SYT1: variants seen among roughly 807,000 people sequenced by gnomAD.
SYT1 encodes the protein synaptotagmin-1.
Under a neutral mutation model 44.8 loss-of-function variants are expected in SYT1, and 8 were observed. The observed-to-expected ratio is 0.18, with a 90% confidence interval of 0.10 to 0.32. SYT1 has a LOEUF of 0.32. SYT1 is among the 10% of genes least tolerant of loss of function. SYT1 has a pLI of 1.00. For synonymous variants in SYT1, 154 were observed against 188.8 expected, an observed-to-expected ratio of 0.82 and a Z score of 1.51; for missense variants, 286 against 509.3, an observed-to-expected ratio of 0.56 and a Z score of 4.22.
chr12:78,941,911 A>C (rs1878397211), intron 1 of SYT1, among the ~76,000 whole-genome samples: 1 of 152,210 alleles, frequency 6.6e-6, no homozygotes, highest in Non-Finnish European at 1.5e-5. Flanking sequence ...TTCCATTGCC[A>C]TTCAAGGACC....
At chr12:78,900,206 A>C (rs192445005) in intron 1 of SYT1, among the ~76,000 whole-genome samples, 384 of 152,200 alleles carry the variant, frequency 2.5e-3, no homozygotes, top group Non-Finnish European at 4.5e-3. Context: ...ATGTTTATTT[A>C]CTTATTATTT....
At position 78,899,878 on chromosome 12, in the gene SYT1, G is replaced by T. The variant is rs1875567366; in HGVS notation, c.-217+34769G>T. Among the ~76,000 whole-genome samples the T allele has an allele frequency of 2.0e-5, 3 of 152,072 alleles. No individual in the cohort carries two copies. The South Asian group carries it at 6.2e-4, about 32-fold the overall frequency. On this transcript the variant is annotated intron_variant, in intron 1 of 10. Transcript: ENST00000261205. ...AACACAAAATATTTTCCAAGATGAA[G>T]TTCTTTGAAGCAAAGTCATTAATTT...
chr12:79,050,709 G>C (rs989335151), intron 3 of SYT1, among the ~76,000 whole-genome samples: 17 of 152,056 alleles, frequency 1.1e-4, no homozygotes, highest in Non-Finnish European at 2.5e-4. Flanking sequence ...TTTTTAGTAA[G>C]AGTGATTCTA....
chr12:79,353,685 G>A (rs1047931059), intron 9 of SYT1, 66 bp downstream of exon 9: 14 of 1,148,048 alleles, frequency 1.2e-5, no homozygotes, highest in African/African-American at 7.6e-5. Context: ...AATGCATGGC[G>A]CACATGCTGC....
chr12:79,125,430 G>A (rs1038229759), intron 3 of SYT1, among the ~76,000 whole-genome samples: 1 of 144,702 alleles, frequency 6.9e-6, no homozygotes, highest in Non-Finnish European at 1.5e-5. Flanking sequence ...GGGAAACATA[G>A]TGCGACCCTC....
chr12:78,937,434 A>T (rs1878122775), intron 1 of SYT1, among the ~76,000 whole-genome samples: 1 of 152,194 alleles, frequency 6.6e-6, no homozygotes, highest in African/African-American at 2.4e-5. Context: ...AATGTATCTT[A>T]AATCAGTGAG....
chr12:78,931,235 GAAA>G lies in SYT1; in HGVS notation c.-216-46563_-216-46561del, dbSNP rs61181211. On this transcript the variant is annotated intron_variant, in intron 1 of 10. Transcript: ENST00000261205. ...AGAAAGAAAGAAAGAAAGAAAGAAA[GAAA>G]GAAGGAAGGAAGGAAGGAAGGAAGG... Among the ~76,000 whole-genome samples, 479 of 57,808 alleles carry G rather than the reference GAAA, an allele frequency of 8.3e-3. 20 individuals carry two copies. The highest frequency in any genetic ancestry group is 0.032 in the African/African-American group (308 of 9,690). The allele number at this position is 57,808 out of a possible 152,430, so 37.9% of individuals were successfully genotyped here. A position where few individuals can be genotyped will look rare whatever the true frequency, so the allele number is the denominator to read the frequency against.
chr12:79,337,261 G>A lies in SYT1; in HGVS notation c.811-16241G>A, dbSNP rs373038422. Reference sequence around the variant, plus strand: ...TTAGTGGCAGAACTCAGGTCTGCTGGGCATTCCCCACAGCTCCTCTTTTAT... The same window carrying A: ...TTAGTGGCAGAACTCAGGTCTGCTGAGCATTCCCCACAGCTCCTCTTTTAT... On this transcript the variant is annotated intron_variant, in intron 8 of 10. Coordinates refer to ENST00000261205, the MANE Select transcript of SYT1 (RefSeq NM_005639.3). 4.6e-5 allele frequency among the ~76,000 whole-genome samples: 7 copies of A among 152,272 alleles called. 1 individual carries two copies. Among genetic ancestry groups the A allele is most frequent in the Admixed American group, 3.3e-4 (5 of 15,292 alleles).
Position 79,255,997 on chromosome 12 carries a change from A to C in SYT1, c.167-29790A>C, listed in dbSNP as rs533785006. Among the ~76,000 whole-genome samples the C allele has an allele frequency of 3.9e-5, 6 of 152,366 alleles. No individual in the cohort carries two copies. In the South Asian group the frequency reaches 1.2e-3, roughly 32 times the overall value. On this transcript the variant is annotated intron_variant, in intron 4 of 10. Coordinates refer to ENST00000261205, the MANE Select transcript of SYT1 (RefSeq NM_005639.3). Reference sequence around the variant, plus strand: ...CCAAGATTATGATTATCCCAATTTTAAACAGTGCTTGAATTAAAATATATC... The same window carrying C: ...CCAAGATTATGATTATCCCAATTTTCAACAGTGCTTGAATTAAAATATATC...
At chr12:79,233,624 C>T (rs995731025) in intron 4 of SYT1, among the ~76,000 whole-genome samples, 7 of 152,240 alleles carry the variant, frequency 4.6e-5, no homozygotes, top group Non-Finnish European at 7.3e-5. Context: ...TCTCACCTTT[C>T]TACAGCTGCT....
At chr12:79,287,185 C>A (rs2138834483) in intron 5 of SYT1, among the ~76,000 whole-genome samples, 1 of 152,280 alleles carries the variant, frequency 6.6e-6, no homozygotes, top group South Asian at 2.1e-4. Context: ...TTACTCCCTG[C>A]ATTTTTGTTC....
chr12:79,149,908 T>C (rs2138254595), intron 3 of SYT1, among the ~76,000 whole-genome samples: 1 of 152,318 alleles, frequency 6.6e-6, no homozygotes, highest in African/African-American at 2.4e-5. Context: ...TGACACATAG[T>C]AGCTGACTTA....
chr12:79,079,252 G>T (rs1565796191), intron 3 of SYT1, among the ~76,000 whole-genome samples: 1 of 152,100 alleles, frequency 6.6e-6, no homozygotes, highest in African/African-American at 2.4e-5. Flanking sequence ...CCTACACAGA[G>T]ATTAATACAG....
chr12:79,319,896 A>G (rs1881273368), intron 8 of SYT1, among the ~76,000 whole-genome samples: 1 of 152,202 alleles, frequency 6.6e-6, no homozygotes, highest in Non-Finnish European at 1.5e-5. Flanking sequence ...GATGAGGAGC[A>G]TGGAGTAGAA....
chr12:79,063,126 T>C (rs554540063), intron 3 of SYT1, among the ~76,000 whole-genome samples: 2 of 152,330 alleles, frequency 1.3e-5, no homozygotes, highest in South Asian at 4.1e-4. Flanking sequence ...ATATTTTGCA[T>C]TTCACCTTAA....
intron 1 of SYT1, among the ~76,000 whole-genome samples, chr12:78,972,238 G>A (rs1378182712): frequency 6.6e-6 from 1 of 151,894 alleles, no homozygotes; most frequent in Admixed American, 6.6e-5. Flanking sequence ...ATATTTCAGT[G>A]TAATTATTCC....
At chr12:79,217,469 G>C (rs749840866) in intron 3 of SYT1, 34 bp from the exon 4 acceptor site, 3 of 1,492,748 alleles carry the variant, frequency 2.0e-6, no homozygotes, top group Non-Finnish European at 2.7e-6. Context: ...AAGCCATTTT[G>C]AATTGTTCTG....
intron 3 of SYT1, among the ~76,000 whole-genome samples, chr12:79,134,180 A>ACATAGTTGCATATACATTT (rs1321593729): frequency 9.8e-5 from 15 of 152,340 alleles, no homozygotes. Flanking sequence ...TGTATATGCA[A>ACATAGTTGCATATACATTT]ACTGGATAAT....
chr12:79,326,450 G>A (rs559187811), intron 8 of SYT1, among the ~76,000 whole-genome samples: 68 of 152,328 alleles, frequency 4.5e-4, no homozygotes, highest in Non-Finnish European at 7.8e-4. Context: ...GCAGCCAGCT[G>A]CAAGCATTTG....
Sources: gnomAD v4.1 joint callset for allele counts (sites outside exome capture counted in the v4.1 genomes callset) on GRCh38, gnomAD v4.1.1 for gene constraint, MANE v1.5 for transcripts, NCBI Gene and HGNC (gene_info 2026-07-23, HGNC 2026-07-21) for gene names.